Variants in PHLDB1 observed in about 807,000 individuals in gnomAD.
The protein encoded by PHLDB1 is pleckstrin homology-like domain family B member 1.
Under a neutral mutation model 139.3 loss-of-function variants are expected in PHLDB1, and 65 were observed. The observed-to-expected ratio is 0.47, with a 90% CI of 0.38 to 0.57. PHLDB1 has a LOEUF of 0.57. Ranked by LOEUF, PHLDB1 falls within the 20% of genes least tolerant of loss-of-function variation. The pLI, the probability that PHLDB1 is intolerant of heterozygous loss-of-function variation, is 0.00. For synonymous variants in PHLDB1, 679 were observed against 734.5 expected (o/e 0.92, Z 1.22); for missense variants, 1,624 against 1,839.7 (o/e 0.88, Z 2.14).
At chr11:118,649,115 A>T (rs1947982261) in intron 18 of PHLDB1, among the ~76,000 whole-genome samples, 1 of 152,100 alleles carries the variant, frequency 6.6e-6, no homozygotes, top group African/African-American at 2.4e-5. Context: ...CCCCATCTCT[A>T]CAAAAAATAC....
rs782262998 is a variant in PHLDB1, at chr11:118,620,749, G to A, written c.356-4185G>A. Among the ~76,000 whole-genome samples the A allele has an allele frequency of 5.9e-5, 9 of 152,242 alleles. No individual in the cohort carries two copies. In the Middle Eastern group the frequency reaches 0.02, roughly 345 times the overall value. Reference sequence around the variant, plus strand: ...GAGTTGAGCTATGGGGAGTGGGGCCGGAAGAGGAGGTGTTTAGGGTGGAGA... The same window carrying A: ...GAGTTGAGCTATGGGGAGTGGGGCCAGAAGAGGAGGTGTTTAGGGTGGAGA... On this transcript the variant is annotated intron_variant, in intron 4 of 22. Coordinates refer to ENST00000600882, the MANE Select transcript of PHLDB1 (RefSeq NM_001144758.3). This position sits in a 1 kb window ranked among gnomAD's most constrained non-coding sequence, Gnocchi z 4.1.
chr11:118,624,682 AC>A (rs1419663812), intron 4 of PHLDB1: 1 of 373,882 alleles, frequency 2.7e-6, no homozygotes, highest in Non-Finnish European at 4.9e-6. Flanking sequence ...GCTCACTGCA[AC>A]CTCCGCTTCC....
chr11:118,619,955 G>C (rs762051358), intron 4 of PHLDB1, among the ~76,000 whole-genome samples: 4 of 152,238 alleles, frequency 2.6e-5, no homozygotes, highest in Non-Finnish European at 5.9e-5. Context: ...ATGTGTGCAT[G>C]AGAATAAAGG....
chr11:118,618,645 A>T (rs1407891971), intron 4 of PHLDB1, among the ~76,000 whole-genome samples: 1 of 152,014 alleles, frequency 6.6e-6, no homozygotes, highest in African/African-American at 2.4e-5. Flanking sequence ...TCCTATGTGT[A>T]TATGAGACCC....
At chr11:118,626,381 T>C (rs1404251764) in intron 5 of PHLDB1, among the ~76,000 whole-genome samples, 1 of 152,016 alleles carries the variant, frequency 6.6e-6, no homozygotes, top group Non-Finnish European at 1.5e-5. Context: ...TTCTGTTTTC[T>C]TTTTTCTTTT....
chr11:118,645,068 G>C lies in PHLDB1; in HGVS notation c.3122-288G>C, dbSNP rs1382234263. The C allele has an allele frequency of 2.6e-6, 1 of 391,346 alleles. No individual in the cohort carries two copies. Among genetic ancestry groups the C allele is most frequent in the Non-Finnish European group, 4.5e-6 (1 of 220,140 alleles). 24.2% of individuals were successfully genotyped at this position (391,346 alleles called of 1,614,324 possible). ...TGTGAGCTGGAGCCAACTGGCTGTC[G>C]TGCTGCCCCAGCACTACTTGGGTAG... On this transcript the variant is annotated intron_variant, in intron 15 of 22. Transcript: ENST00000600882. The surrounding 1 kb of genome is among the most constrained non-coding windows in gnomAD (Gnocchi z 5.1).
chr11:118,635,956 C>A (rs1334737448), intron 10 of PHLDB1, among the ~76,000 whole-genome samples: 1 of 152,176 alleles, frequency 6.6e-6, no homozygotes, highest in Non-Finnish European at 1.5e-5. Flanking sequence ...CAGCTAGGGG[C>A]CCTAGAAAGG....
At chr11:118,655,742 G>T in intron 21 of PHLDB1, 52 bp downstream of exon 21, 1 of 1,526,098 alleles carries the variant, frequency 6.6e-7, no homozygotes, top group Non-Finnish European at 9.1e-7. Flanking sequence ...CATGGGGAAG[G>T]GGTGGCCTGG....
chr11:118,633,682 C>T (rs1181020806), intron 9 of PHLDB1: 1 of 152,258 alleles, frequency 6.6e-6, no homozygotes, highest in African/African-American at 2.4e-5. Context: ...CTTCTCCTCA[C>T]TCCTGAGCCA....
At chr11:118,624,610 TTTTTTTTTG>T in intron 4 of PHLDB1, 1 of 146,266 alleles carries the variant, frequency 6.8e-6, no homozygotes, top group South Asian at 2.3e-4. Context: ...TTTTTTTTTT[TTTTTTTTTG>T]AGACAGAGTT....
At position 118,611,614 on chromosome 11, in the gene PHLDB1, G is replaced by A. The variant is rs1279398753; in HGVS notation, c.-21-2202G>A. On this transcript the variant is annotated intron_variant, in intron 1 of 22. Transcript: ENST00000600882. This position sits in a 1 kb window ranked among gnomAD's most constrained non-coding sequence, Gnocchi z 4.7. ...CTCACGCCTGTAATCCCAGCACTTC[G>A]GGAGGTCGAGGCGGGCGGATCACCT... 1.3e-5 allele frequency among the ~76,000 whole-genome samples: 2 copies of A among 152,116 alleles called. No individual in the cohort carries two copies. Among genetic ancestry groups the A allele is most frequent in the East Asian group, 1.9e-4 (1 of 5,200 alleles).
chr11:118,632,065 A>G lies in PHLDB1; in HGVS notation c.2241+12A>G, dbSNP rs782359151. On this transcript the variant is annotated intron_variant, in intron 8 of 22. Transcript: ENST00000600882. This position sits in a 1 kb window ranked among gnomAD's most constrained non-coding sequence, Gnocchi z 5.9. ...AGTCAGCCCGAGAGGTGAGCCGTGAAGTCCCTAGCTGGACTCTTCCCTAGG... is the reference window on the plus strand; with the variant it reads ...AGTCAGCCCGAGAGGTGAGCCGTGAGGTCCCTAGCTGGACTCTTCCCTAGG... 2 of 1,613,852 alleles carry G rather than the reference A, an allele frequency of 1.2e-6. No individual in the cohort carries two copies. Among genetic ancestry groups the G allele is most frequent in the Admixed American group, 3.3e-5 (2 of 60,018 alleles).
rs1939482703 is a variant in PHLDB1 at position 118,608,216 on chromosome 11, G to A, written c.-22+517G>A. Among the ~76,000 whole-genome samples the A allele has an allele frequency of 6.6e-6, 1 of 152,108 alleles. No individual in the cohort carries two copies. Among genetic ancestry groups the A allele is most frequent in the Admixed American group, 6.5e-5 (1 of 15,282 alleles). On this transcript the variant is annotated intron_variant, in intron 1 of 22. Coordinates refer to ENST00000600882, the MANE Select transcript of PHLDB1 (RefSeq NM_001144758.3). The surrounding 1 kb of genome is among the most constrained non-coding windows in gnomAD (Gnocchi z 6.7). Reference sequence around the variant, plus strand: ...GAAGGGATTCGGAGTCCGGCTCAGAGTCTTGAGCGTCTAGGAGGGCTGCCT... The same window carrying A: ...GAAGGGATTCGGAGTCCGGCTCAGAATCTTGAGCGTCTAGGAGGGCTGCCT...
intron 4 of PHLDB1, chr11:118,621,529 G>A (rs1942795018): frequency 6.6e-6 from 1 of 152,212 alleles, no homozygotes; most frequent in African/African-American, 2.4e-5. Flanking sequence ...CCGGAGGTCC[G>A]GTTTCGGCGG....
rs1161035434 is a variant in PHLDB1, at chr11:118,608,302, C to T, written c.-22+603C>T. 6.6e-6 allele frequency among the ~76,000 whole-genome samples: 1 copy of T among 152,094 alleles called. No individual in the cohort carries two copies. The highest frequency in any genetic ancestry group is 2.4e-5 in the African/African-American group (1 of 41,432). On this transcript the variant is annotated intron_variant, in intron 1 of 22. Transcript: ENST00000600882. This position sits in a 1 kb window ranked among gnomAD's most constrained non-coding sequence, Gnocchi z 6.7. ...CTCCCAGGCACTCCCCAAGGCCCCA[C>T]GTCCTCGGGGGCCGGGGAGGCCGCC...
chr11:118,623,074 C>A (rs1010796340), intron 4 of PHLDB1, among the ~76,000 whole-genome samples: 2 of 152,222 alleles, frequency 1.3e-5, no homozygotes, highest in Non-Finnish European at 2.9e-5. Flanking sequence ...AGTAAGGGAC[C>A]TGCCAAGGTA....
intron 1 of PHLDB1, among the ~76,000 whole-genome samples, chr11:118,612,836 C>T (rs1555085227): frequency 6.6e-6 from 1 of 152,182 alleles, no homozygotes; most frequent in African/African-American, 2.4e-5. Flanking sequence ...TACCCCTCAG[C>T]CACACTCTTA....
In PHLDB1 at chr11:118,642,140, C is replaced by G. The variant is rs1946645063; in HGVS notation, c.2737-114C>G. The G allele has an allele frequency of 4.0e-6, 4 of 997,994 alleles. No homozygotes were observed. In the East Asian group the frequency reaches 9.8e-5, roughly 24 times the overall value. The allele number at this position is 997,994 out of a possible 1,614,324, so 61.8% of individuals were successfully genotyped here. ...CTTTTTAACCTTCCCCTTCCTTCTT[C>G]CTCTTCTTTCTTCTTTCTCCCTTCT... On this transcript the variant is annotated intron_variant, in intron 12 of 22. Coordinates refer to ENST00000600882, the MANE Select transcript of PHLDB1 (RefSeq NM_001144758.3).
Position 118,650,664 on chromosome 11 carries a change from C to T in PHLDB1, c.3874+117C>T. On this transcript the variant is annotated intron_variant, in intron 20 of 22. Transcript: ENST00000600882. This position sits in a 1 kb window ranked among gnomAD's most constrained non-coding sequence, Gnocchi z 4.7. ...CCAAGTAGGGGACCAGAGTCTTGGG[C>T]TAGGCTTTGCCCTCCTTCCCTGAAA... 2 of 697,500 alleles carry T rather than the reference C, an allele frequency of 2.9e-6. No homozygotes were observed. Among genetic ancestry groups the T allele is most frequent in the Non-Finnish European group, 5.1e-6 (2 of 392,242 alleles). 43.2% of individuals were successfully genotyped at this position (697,500 alleles called of 1,614,324 possible).
Sources: allele counts gnomAD v4.1 joint callset (sites outside exome capture counted in the v4.1 genomes callset), GRCh38; gene constraint gnomAD v4.1.1; non-coding constraint Gnocchi (gnomAD v3.1); transcripts MANE v1.5; gene names NCBI Gene and HGNC (gene_info 2026-07-23, HGNC 2026-07-21).